Variants in NCAPG observed in about 807,000 individuals in gnomAD.
The protein encoded by NCAPG is non-SMC condensin I complex subunit G, also known as condensin complex subunit 3.
NCAPG carries 69 observed loss-of-function variants against 113.1 expected under a neutral mutation model. The observed-to-expected ratio is 0.61, with a 90% CI of 0.50 to 0.75. NCAPG has a LOEUF of 0.75. NCAPG is among the 30% of genes least tolerant of loss of function. NCAPG has a pLI of 0.00. For synonymous variants in NCAPG, 370 were observed against 415.8 expected, an observed-to-expected ratio of 0.89 and a Z score of 1.34; for missense variants, 1,058 against 1,177.0, an observed-to-expected ratio of 0.90 and a Z score of 1.48.
Position 17,811,159 on chromosome 4 carries a change from G to T in NCAPG, c.82G>T (p.Val28Leu). 2 of 1,514,460 alleles carry T rather than the reference G, an allele frequency of 1.3e-6. No individual in the cohort carries two copies. Among genetic ancestry groups the T allele is most frequent in the Non-Finnish European group, 1.8e-6 (2 of 1,130,334 alleles). The allele number at this position is 1,514,460 out of a possible 1,614,324, so 93.8% of individuals were successfully genotyped here. The stretch of plus-strand genomic sequence containing the variant: ...GCCGCACCAGAACCAGGCGAAGCTG[G>T]TGGTGGCGCTGAGCCGCACCTACCG... ...QQPHQNQAKL[V>L]VALSRTYRTM... The change falls in exon 1 of 21, where the codon GTG becomes TTG. Residue 28 changes from valine (V) to leucine (L), a missense_variant. Coordinates refer to ENST00000251496, the MANE Select transcript of NCAPG (RefSeq NM_022346.5). The surrounding 1 kb of genome is among the most constrained non-coding windows in gnomAD (Gnocchi z 5.3).
chr4:17,813,802 G>C (rs1386886594), intron 3 of NCAPG, among the ~76,000 whole-genome samples: 2 of 151,958 alleles, frequency 1.3e-5, no homozygotes, highest in Non-Finnish European at 2.9e-5. Flanking sequence ...TACCTATGGG[G>C]TCATAAAGGT....
intron 16 of NCAPG, among the ~76,000 whole-genome samples, chr4:17,838,564 G>T (rs1162106105): frequency 6.6e-6 from 1 of 152,166 alleles, no homozygotes; most frequent in East Asian, 1.9e-4. Flanking sequence ...CCAAAATTCA[G>T]TTAGGCCTTG....
intron 13 of NCAPG, among the ~76,000 whole-genome samples, chr4:17,833,768 T>C (rs1396806331): frequency 6.6e-6 from 1 of 152,102 alleles, no homozygotes; most frequent in Non-Finnish European, 1.5e-5. Flanking sequence ...AGGAGTCTAG[T>C]TGAAAACTGA....
intron 8 of NCAPG, 69 bp from the exon 9 acceptor site, chr4:17,823,578 G>GT: frequency 7.3e-7 from 1 of 1,367,176 alleles, no homozygotes; most frequent in Non-Finnish European, 1.0e-6. Flanking sequence ...AGTTTGCAGA[G>GT]TAGGTGAATG....
intron 19 of NCAPG, 44 bp from the exon 20 acceptor site, chr4:17,842,266 G>GCAA (rs1560236017): frequency 6.4e-7 from 1 of 1,554,782 alleles, no homozygotes; most frequent in Non-Finnish European, 8.9e-7. Flanking sequence ...AAAACAAAAA[G>GCAA]CAACTGATAA....
chr4:17,839,943 T>C (rs529865505), intron 17 of NCAPG, 106 bp downstream of exon 17: 15 of 1,437,068 alleles, frequency 1.0e-5, no homozygotes, highest in African/African-American at 2.9e-5. Flanking sequence ...TTGTGACTTA[T>C]TTGAAGTATT....
At chr4:17,832,973 T>G (rs1358519456) in intron 13 of NCAPG, among the ~76,000 whole-genome samples, 1 of 152,202 alleles carries the variant, frequency 6.6e-6, no homozygotes, top group African/African-American at 2.4e-5. Context: ...TTAAAAGTTT[T>G]GAAAAATTGA....
intron 8 of NCAPG, 136 bp from the exon 9 acceptor site, chr4:17,823,511 T>G: frequency 2.7e-6 from 2 of 739,604 alleles, no homozygotes; most frequent in Non-Finnish European, 4.2e-6. Flanking sequence ...TACATACAGA[T>G]TTTTGTACCT....
At chr4:17,824,563 A>C (rs1721583557) in intron 9 of NCAPG, among the ~76,000 whole-genome samples, 1 of 152,114 alleles carries the variant, frequency 6.6e-6, no homozygotes, top group African/African-American at 2.4e-5. Context: ...TGCATTGTCT[A>C]CCCAAAGGAA....
In NCAPG at chr4:17,813,143, A is replaced by G; in HGVS notation, c.542A>G (p.Asn181Ser). 1.2e-6 allele frequency: 2 copies of G among 1,611,112 alleles called. No individual in the cohort carries two copies. The highest frequency in any genetic ancestry group is 1.1e-5 in the South Asian group (1 of 90,840). ...AAGGATGATGAATGCCCAGTGGTTA[A>G]TGGTGTGTGTAGTTTCCTAAATCTT... The part of the protein sequence containing the change: ...DPKDDECPVV[N>S]AYATLIENDS... The change falls in exon 3 of 21, where the codon AAT becomes AGT. Residue 181 changes from asparagine (N) to serine (S), a missense_variant and splice_region_variant. Transcript: ENST00000251496.
intron 7 of NCAPG, among the ~76,000 whole-genome samples, chr4:17,818,562 G>C (rs959559319): frequency 6.6e-6 from 1 of 152,084 alleles, no homozygotes; most frequent in Non-Finnish European, 1.5e-5. Flanking sequence ...TAATATTCAT[G>C]TGTTAACAAA....
chr4:17,823,765 C>T lies in NCAPG; in HGVS notation c.1378C>T (p.Gln460Ter), dbSNP rs1340083632. 1.9e-6 allele frequency: 3 copies of T among 1,590,898 alleles called. No individual in the cohort carries two copies. The highest frequency in any genetic ancestry group is 2.2e-5 in the East Asian group (1 of 44,510). Reference protein sequence around the residue: ...HIIIDDNKRTQIVTEIISEIR... With the variant: ...HIIIDDNKRT ...CATTATAGATGATAATAAGAGAACA[C>T]AAATTGTAAGTAATTTTCCTCATTG... The change falls in exon 9 of 21, where the codon CAA becomes TAA. Residue 460 changes from glutamine (Q) to a stop codon, truncating the protein, a stop_gained. Coordinates refer to ENST00000251496, the MANE Select transcript of NCAPG (RefSeq NM_022346.5). LOFTEE classifies it high-confidence loss of function.
intron 6 of NCAPG, 123 bp from the exon 7 acceptor site, chr4:17,817,816 A>G (rs1721276073): frequency 1.8e-5 from 17 of 940,086 alleles, no homozygotes; most frequent in Non-Finnish European, 2.5e-5. Flanking sequence ...TACATTAATG[A>G]CTCTAATTAA....
At chr4:17,836,893 C>G (rs540781352) in intron 14 of NCAPG, among the ~76,000 whole-genome samples, 1 of 152,144 alleles carries the variant, frequency 6.6e-6, no homozygotes, top group South Asian at 2.1e-4. Context: ...TTATAAAAGG[C>G]CTTTTGGTTC....
chr4:17,814,784 TG>T, intron 3 of NCAPG, 68 bp from the exon 4 acceptor site: 1 of 1,477,746 alleles, frequency 6.8e-7, no homozygotes, highest in Non-Finnish European at 9.4e-7. Flanking sequence ...TATCAAAATG[TG>T]TGTTATTTTA....
intron 2 of NCAPG, 88 bp from the exon 3 acceptor site, chr4:17,812,829 G>T (rs185431220): frequency 2.7e-6 from 3 of 1,108,076 alleles, no homozygotes; most frequent in Admixed American, 2.1e-5. Context: ...GTAACTTCTT[G>T]CATTCCGAAT....
intron 12 of NCAPG, 90 bp downstream of exon 12, chr4:17,828,478 G>GAC: frequency 1.6e-6 from 1 of 642,872 alleles, no homozygotes; most frequent in Non-Finnish European, 2.7e-6. Context: ...ATAATGAAAA[G>GAC]ATTACTGTCT....
intron 1 of NCAPG, 46 bp from the exon 2 acceptor site, chr4:17,812,175 G>A: frequency 1.4e-6 from 2 of 1,457,202 alleles, no homozygotes; most frequent in Non-Finnish European, 9.6e-7. Context: ...TGGGAATAAA[G>A]GATTTTTATC....
rs897903463 is a variant in NCAPG, at chr4:17,811,797, A to G, written c.112-424A>G. Among the ~76,000 whole-genome samples the G allele has an allele frequency of 2.0e-5, 3 of 152,204 alleles. No homozygotes were observed. Among genetic ancestry groups the G allele is most frequent in the African/African-American group, 7.2e-5 (3 of 41,456 alleles). On this transcript the variant is annotated intron_variant, in intron 1 of 20. Coordinates refer to ENST00000251496, the MANE Select transcript of NCAPG (RefSeq NM_022346.5). The surrounding 1 kb of genome is among the most constrained non-coding windows in gnomAD (Gnocchi z 5.3). ...TGAGGTCCAAGAAAAATTGTGAGTA[A>G]ACATCACAGGGCTTTGAGGATATGA...
Sources: gnomAD v4.1 joint callset for allele counts (sites outside exome capture counted in the v4.1 genomes callset) on GRCh38, gnomAD v4.1.1 for gene constraint, Gnocchi (gnomAD v3.1) non-coding constraint, MANE v1.5 for transcripts, NCBI Gene and HGNC (gene_info 2026-07-23, HGNC 2026-07-21) for gene names.